Variants in CLSTN2 observed in about 807,000 individuals in gnomAD.
CLSTN2 encodes calsyntenin 2, also known as calsyntenin-2.
Under a neutral mutation model 101.2 loss-of-function variants are expected in CLSTN2, and 48 were observed. The ratio of observed to expected loss-of-function variants is 0.47; its 90% CI spans 0.38 to 0.60. CLSTN2 has a LOEUF of 0.60. Ranked by LOEUF, CLSTN2 falls within the 20% of genes least tolerant of loss-of-function variation. The pLI, the probability that CLSTN2 is intolerant of heterozygous loss-of-function variation, is 0.00. For synonymous variants in CLSTN2, 481 were observed against 463.6 expected, an observed-to-expected ratio of 1.04 and a Z score of -0.48; for missense variants, 1,160 against 1,238.2, an observed-to-expected ratio of 0.94 and a Z score of 0.95.
chr3:140,016,614 C>T (rs1015205934), intron 1 of CLSTN2, among the ~76,000 whole-genome samples: 3 of 151,922 alleles, frequency 2.0e-5, no homozygotes, highest in Non-Finnish European at 2.9e-5. Context: ...TTCTGGCCAA[C>T]ATGGTGAAAC....
At chr3:139,936,575 A>C (rs570943845) in intron 1 of CLSTN2, among the ~76,000 whole-genome samples, 8 of 152,288 alleles carry the variant, frequency 5.3e-5, no homozygotes, top group African/African-American at 1.4e-4. Context: ...CTGTCAGAAA[A>C]TAGATTCCCT....
At chr3:140,051,178 G>A (rs148880014) in intron 1 of CLSTN2, among the ~76,000 whole-genome samples, 153 of 152,326 alleles carry the variant, frequency 1.0e-3, no homozygotes, top group African/African-American at 3.5e-3. Context: ...TTCGCTGATC[G>A]TGTGAACAGC....
intron 2 of CLSTN2, among the ~76,000 whole-genome samples, chr3:140,196,222 G>A (rs2010641653): frequency 6.6e-6 from 1 of 152,204 alleles, no homozygotes; most frequent in African/African-American, 2.4e-5. Flanking sequence ...AGGCATCCTT[G>A]TCCTGGCAGC....
At chr3:140,552,223 C>A (rs760760260) in intron 10 of CLSTN2, among the ~76,000 whole-genome samples, 1 of 152,030 alleles carries the variant, frequency 6.6e-6, no homozygotes, top group Non-Finnish European at 1.5e-5. Context: ...TGTCTAGCAC[C>A]TTCTTGGCTC....
intron 2 of CLSTN2, among the ~76,000 whole-genome samples, chr3:140,217,893 A>T (rs192651336): frequency 5.3e-5 from 8 of 152,340 alleles, no homozygotes; most frequent in African/African-American, 1.9e-4. Flanking sequence ...GAAGAAACCA[A>T]ACCTAATTTC....
intron 1 of CLSTN2, among the ~76,000 whole-genome samples, chr3:140,001,125 A>C (rs1182948419): frequency 6.6e-6 from 1 of 152,218 alleles, no homozygotes; most frequent in Non-Finnish European, 1.5e-5. Context: ...TACCAAGAAT[A>C]CTACTTACTC....
chr3:140,228,686 C>T (rs925395990), intron 2 of CLSTN2, among the ~76,000 whole-genome samples: 2 of 152,190 alleles, frequency 1.3e-5, no homozygotes, highest in South Asian at 2.1e-4. Context: ...TACAGTTCCA[C>T]GTGGCTGGGG....
intron 2 of CLSTN2, among the ~76,000 whole-genome samples, chr3:140,398,957 C>G (rs2088212515): frequency 6.6e-6 from 1 of 152,198 alleles, no homozygotes; most frequent in African/African-American, 2.4e-5. Context: ...ATGTCTCACT[C>G]AGGCACAGCA....
rs2107795006 is a variant in CLSTN2 at position 140,563,971 on chromosome 3, C to T, written c.2493C>T (p.Ser831=). Residue 831 remains serine (S), a synonymous_variant, in exon 16 of 17, where the codon AGC becomes AGT. Transcript: ENST00000458420. ...TTTTCCTTGTTCCAGTGGTCCCAAG[C>T]ATTGCCACAGTGGTCATCATCATCT... ...SSIQHSSVVP[S]IATVVIIISV... 6.2e-7 allele frequency: 1 copy of T among 1,613,982 alleles called. No homozygotes were observed. Among genetic ancestry groups the T allele is most frequent in the South Asian group, 1.1e-5 (1 of 91,056 alleles).
At chr3:139,977,983 G>A (rs930720860) in intron 1 of CLSTN2, among the ~76,000 whole-genome samples, 3 of 152,076 alleles carry the variant, frequency 2.0e-5, no homozygotes, top group South Asian at 2.1e-4. Context: ...TTCCCATTTC[G>A]ACACTGGGAG....
At chr3:140,439,867 A>G (rs16850251) in intron 5 of CLSTN2, among the ~76,000 whole-genome samples, 4,613 of 152,266 alleles carry the variant, frequency 0.03, 232 homozygotes, top group African/African-American at 0.1. Context: ...AATACGTACC[A>G]TCCTATGTGA....
Position 139,972,263 on chromosome 3 carries a change from CA to C in CLSTN2, c.109+36792del, listed in dbSNP as rs377369578. The stretch of plus-strand genomic sequence containing the variant: ...TGGGCGACAGAGTGGGACTCTGCCT[CA>C]AAAAAAAAAAAGTTTGATAGGACCC... On this transcript the variant is annotated intron_variant, in intron 1 of 16. Transcript: ENST00000458420. 3.2e-3 allele frequency among the ~76,000 whole-genome samples: 452 copies of C among 141,536 alleles called. No individual in the cohort carries two copies. In the Middle Eastern group the frequency reaches 0.032, roughly 10 times the overall value. The allele number at this position is 141,536 out of a possible 152,430, so 92.9% of individuals were successfully genotyped here. A position where few individuals can be genotyped will look rare whatever the true frequency, so the allele number is the denominator to read the frequency against.
intron 2 of CLSTN2, among the ~76,000 whole-genome samples, chr3:140,277,283 G>A (rs1455528275): frequency 6.6e-6 from 1 of 152,196 alleles, no homozygotes; most frequent in African/African-American, 2.4e-5. Context: ...TTGCAGGTCT[G>A]AGGAGCTGAG....
chr3:140,185,677 G>A (rs2010475917), intron 2 of CLSTN2, among the ~76,000 whole-genome samples: 1 of 152,032 alleles, frequency 6.6e-6, no homozygotes, highest in African/African-American at 2.4e-5. Context: ...GGATGGGGGT[G>A]CAGGGCAGAT....
intron 1 of CLSTN2, among the ~76,000 whole-genome samples, chr3:140,089,771 T>C (rs2008744387): frequency 6.6e-6 from 1 of 151,504 alleles, no homozygotes; most frequent in African/African-American, 2.4e-5. Flanking sequence ...CCACCATACC[T>C]GGCCTATTTT....
intron 7 of CLSTN2, among the ~76,000 whole-genome samples, chr3:140,464,325 A>T (rs1375348119): frequency 3.9e-5 from 6 of 152,212 alleles, no homozygotes; most frequent in Non-Finnish European, 8.8e-5. Flanking sequence ...TTTTAACTGG[A>T]TGAGAGACTG....
chr3:140,422,404 A>C (rs922241978), intron 5 of CLSTN2, among the ~76,000 whole-genome samples: 7 of 152,172 alleles, frequency 4.6e-5, no homozygotes, highest in African/African-American at 1.7e-4. Flanking sequence ...CATGGTACAA[A>C]GTAAGGACAC....
intron 1 of CLSTN2, among the ~76,000 whole-genome samples, chr3:140,103,811 T>G (rs2009007318): frequency 6.6e-6 from 1 of 152,154 alleles, no homozygotes; most frequent in African/African-American, 2.4e-5. Context: ...AGTTGGGCTC[T>G]CAAAGAGTTT....
intron 16 of CLSTN2, among the ~76,000 whole-genome samples, chr3:140,564,595 A>G (rs1388125633): frequency 6.6e-6 from 1 of 152,232 alleles, no homozygotes; most frequent in African/African-American, 2.4e-5. Context: ...AAAATATAGC[A>G]GCAACGCCTG....
Sources: allele counts gnomAD v4.1 joint callset (sites outside exome capture counted in the v4.1 genomes callset), GRCh38; gene constraint gnomAD v4.1.1; transcripts MANE v1.5; gene names NCBI Gene and HGNC (gene_info 2026-07-23, HGNC 2026-07-21).